Variants in PCDH15 observed in about 807,000 individuals in gnomAD.
PCDH15 encodes protocadherin-15.
Under a neutral mutation model 178.5 loss-of-function variants are expected in PCDH15, and 129 were observed. The observed-to-expected ratio is 0.72, with a 90% CI of 0.63 to 0.84. The LOEUF is 0.84. PCDH15 is among the 40% of genes least tolerant of loss of function. The pLI is 0.00. For synonymous variants in PCDH15, 800 were observed against 732.0 expected (o/e 1.09, Z -1.50); for missense variants, 2,230 against 2,099.9 (o/e 1.06, Z -1.21).
chr10:54,620,886 C>T (rs781031838), intron 2 of PCDH15, among the ~76,000 whole-genome samples: 23 of 151,900 alleles, frequency 1.5e-4, no homozygotes, highest in Non-Finnish European at 1.8e-4. Flanking sequence ...ATAAAACACT[C>T]TACCATGCTT....
At chr10:54,255,580 A>G (rs1043958552) in intron 8 of PCDH15, among the ~76,000 whole-genome samples, 6 of 152,096 alleles carry the variant, frequency 3.9e-5, no homozygotes, top group Non-Finnish European at 8.8e-5. Flanking sequence ...CAATGATAAG[A>G]CATCCACAGA....
chr10:54,853,121 A>G (rs1953656916), intron 3 of PCDH15, among the ~76,000 whole-genome samples: 1 of 147,942 alleles, frequency 6.8e-6, no homozygotes, highest in Non-Finnish European at 1.5e-5. Flanking sequence ...GTAGCTGGGC[A>G]TGGTGGCGCA....
chr10:55,025,402 T>C (rs1389741516), intron 2 of PCDH15, among the ~76,000 whole-genome samples: 2 of 152,156 alleles, frequency 1.3e-5, no homozygotes, highest in African/African-American at 2.4e-5. Context: ...TAGCCTTACA[T>C]GACACAACTG....
At chr10:53,934,727 T>C (rs548494217) in intron 25 of PCDH15, among the ~76,000 whole-genome samples, 2 of 152,310 alleles carry the variant, frequency 1.3e-5, no homozygotes, top group African/African-American at 4.8e-5. Flanking sequence ...ACTCCTTTCA[T>C]GGCTAGGCCT....
intron 2 of PCDH15, among the ~76,000 whole-genome samples, chr10:55,031,402 A>C (rs1840605514): frequency 6.6e-6 from 1 of 152,222 alleles, no homozygotes; most frequent in Admixed American, 6.5e-5. Flanking sequence ...AGCTAAAAAT[A>C]GAGAAATTTA....
Position 55,514,942 on chromosome 10 carries a change from T to C in PCDH15, c.-156+112683A>G, listed in dbSNP as rs1331927542. On this transcript the variant is annotated intron_variant, in intron 2 of 5. Transcript: ENST00000613346. ...AGAGCAGGAGAAGGTCAGAGAAAAG[T>C]TTTGGCTTCTGAGGCAAAATATATA... Among the ~76,000 whole-genome samples, 11 of 151,634 alleles carry C rather than the reference T, an allele frequency of 7.3e-5. No homozygotes were observed. In the Admixed American group the frequency reaches 7.3e-4, roughly 10 times the overall value.
At position 54,527,715 on chromosome 10, in the gene PCDH15, C is replaced by A; in HGVS notation, c.157+97G>T. On this transcript the variant is annotated intron_variant, in intron 3 of 37. Coordinates refer to ENST00000644397, the MANE Select transcript of PCDH15 (RefSeq NM_001384140.1). ...AATTATCCATGGATTTGGGTTGAAACTTTCATTTTAGTACCTCTACTCATA... is the reference window on the plus strand; with the variant it reads ...AATTATCCATGGATTTGGGTTGAAAATTTCATTTTAGTACCTCTACTCATA... 4 of 985,252 alleles carry A rather than the reference C, an allele frequency of 4.1e-6. No individual in the cohort carries two copies. The South Asian group carries it at 8.0e-5, about 20-fold the overall frequency. The allele number at this position is 985,252 out of a possible 1,614,324, so 61.0% of individuals were successfully genotyped here.
chr10:55,438,545 G>GT (rs898593587), intron 2 of PCDH15, among the ~76,000 whole-genome samples: 6 of 152,122 alleles, frequency 3.9e-5, no homozygotes, highest in Admixed American at 3.3e-4. Context: ...GCCACCAATA[G>GT]TTTTTTCCTC....
chr10:55,045,320 G>C (rs10740610), intron 2 of PCDH15, among the ~76,000 whole-genome samples: 1 of 151,770 alleles, frequency 6.6e-6, no homozygotes, highest in East Asian at 1.9e-4. Context: ...CCAATAAACA[G>C]TTTCTTAGGT....
intron 1 of PCDH15, among the ~76,000 whole-genome samples, chr10:54,738,071 G>A (rs1435019353): frequency 2.0e-5 from 3 of 152,132 alleles, no homozygotes; most frequent in Admixed American, 6.6e-5. Flanking sequence ...GGAGAATAAC[G>A]AACTCTTTGA....
intron 8 of PCDH15, among the ~76,000 whole-genome samples, chr10:54,259,271 T>C (rs1232636556): frequency 6.6e-6 from 1 of 152,196 alleles, no homozygotes; most frequent in Non-Finnish European, 1.5e-5. Flanking sequence ...TGATTTCTAT[T>C]ATTAGCCAAC....
upstream of PCDH15, among the ~76,000 whole-genome samples, chr10:55,320,379 C>G (rs899586800): frequency 9.2e-5 from 14 of 151,988 alleles, no homozygotes; most frequent in African/African-American, 2.4e-4. Context: ...GCCCCCACCA[C>G]CACCACTGCA....
intron 3 of PCDH15, among the ~76,000 whole-genome samples, chr10:54,424,418 A>G (rs530597783): frequency 6.6e-6 from 1 of 151,900 alleles, no homozygotes; most frequent in Non-Finnish European, 1.5e-5. Context: ...GTGGGACTGT[A>G]AACTAGTTCA....
intron 2 of PCDH15, among the ~76,000 whole-genome samples, chr10:55,559,616 G>A (rs1012700114): frequency 2.0e-5 from 3 of 151,844 alleles, no homozygotes; most frequent in African/African-American, 7.2e-5. Flanking sequence ...CACTGATATT[G>A]AAATGTAAAA....
chr10:55,208,790 T>G (rs970404560), intron 1 of PCDH15, among the ~76,000 whole-genome samples: 1 of 152,086 alleles, frequency 6.6e-6, no homozygotes, highest in African/African-American at 2.4e-5. Context: ...ATGAATTGTT[T>G]AAAACCTATT....
chr10:54,041,555 G>A (rs1469916539), intron 18 of PCDH15, among the ~76,000 whole-genome samples: 1 of 152,078 alleles, frequency 6.6e-6, no homozygotes, highest in Non-Finnish European at 1.5e-5. Flanking sequence ...AATATGCATT[G>A]CATAATAAGA....
chr10:54,641,613 T>A (rs2093990729), intron 2 of PCDH15, among the ~76,000 whole-genome samples: 1 of 151,204 alleles, frequency 6.6e-6, no homozygotes. Flanking sequence ...CACACTGCTG[T>A]GTGTATCTGT....
At chr10:55,061,870 C>G (rs1591869424) in intron 2 of PCDH15, among the ~76,000 whole-genome samples, 1 of 151,922 alleles carries the variant, frequency 6.6e-6, no homozygotes, top group African/African-American at 2.4e-5. Flanking sequence ...AAATACAAAA[C>G]TTAGCTGGAC....
intron 2 of PCDH15, among the ~76,000 whole-genome samples, chr10:55,384,353 A>G (rs1837604895): frequency 6.6e-6 from 1 of 152,158 alleles, no homozygotes; most frequent in African/African-American, 2.4e-5. Context: ...CTTTTGTTGA[A>G]TTTAATAAAT....
Sources: allele counts gnomAD v4.1 joint callset (sites outside exome capture counted in the v4.1 genomes callset), GRCh38; gene constraint gnomAD v4.1.1; transcripts MANE v1.5; gene names NCBI Gene and HGNC (gene_info 2026-07-23, HGNC 2026-07-21).